Variants in CLYBL observed in about 807,000 individuals in gnomAD.
CLYBL encodes the protein citramalyl-CoA lyase, also known as citramalyl-CoA lyase, mitochondrial.
A neutral mutation model predicts 38.9 loss-of-function variants in CLYBL; 31 were observed. The observed-to-expected ratio is 0.80, with a 90% CI of 0.60 to 1.08. CLYBL has a LOEUF of 1.08. Among genes scored for constraint, CLYBL ranks in the 50% least tolerant of loss-of-function variants. The pLI is 0.00. For synonymous variants in CLYBL, 171 were observed against 158.6 expected (o/e 1.08, Z -0.59); for missense variants, 434 against 411.6 (o/e 1.05, Z -0.47).
At chr13:99,679,841 C>T (rs1278762486) in intron 1 of CLYBL, among the ~76,000 whole-genome samples, 3 of 151,996 alleles carry the variant, frequency 2.0e-5, no homozygotes, top group Admixed American at 1.3e-4. Flanking sequence ...TTTCCAGGTG[C>T]ACGTTATTAA....
chr13:99,614,290 G>C (rs80294644), intron 1 of CLYBL, among the ~76,000 whole-genome samples: 2,795 of 152,238 alleles, frequency 0.018, 70 homozygotes, highest in African/African-American at 0.055. Flanking sequence ...TATTCAGAAT[G>C]CTTTAATGGA....
intron 2 of CLYBL, among the ~76,000 whole-genome samples, chr13:99,836,832 T>C (rs556737464): frequency 2.6e-5 from 4 of 151,892 alleles, no homozygotes; most frequent in African/African-American, 9.7e-5. Context: ...TAGGTGGGAA[T>C]TGAACAATGA....
At chr13:99,698,801 C>T (rs1284386136) in intron 1 of CLYBL, among the ~76,000 whole-genome samples, 2 of 152,140 alleles carry the variant, frequency 1.3e-5, no homozygotes. Flanking sequence ...ATTGTTGTTG[C>T]TTGCAGCTAA....
chr13:99,814,729 G>GA (rs36062611), intron 2 of CLYBL, among the ~76,000 whole-genome samples: 44,337 of 123,660 alleles, frequency 0.36, 7,549 homozygotes, highest in Middle Eastern at 0.43. Flanking sequence ...CCCTGTCTCA[G>GA]AAAAAAAAAA....
downstream of CLYBL, among the ~76,000 whole-genome samples, chr13:99,901,089 G>C (rs1413558508): frequency 6.6e-6 from 1 of 152,176 alleles, no homozygotes; most frequent in Non-Finnish European, 1.5e-5. Context: ...AAGAAGGCCC[G>C]GGGCAGGCAT....
At chr13:99,878,077 G>A (rs900497642) in intron 7 of CLYBL, among the ~76,000 whole-genome samples, 3 of 152,000 alleles carry the variant, frequency 2.0e-5, no homozygotes, top group Admixed American at 1.3e-4. Context: ...ATAGGTACAC[G>A]AAACACATTT....
At chr13:99,839,147 G>A (rs2051008233) in intron 2 of CLYBL, among the ~76,000 whole-genome samples, 1 of 152,204 alleles carries the variant, frequency 6.6e-6, no homozygotes, top group Admixed American at 6.5e-5. Flanking sequence ...TTACAGGTGG[G>A]GCATAGCATC....
At chr13:99,624,103 C>CCTGTTTGTAACAGAGGA (rs141666137) in intron 1 of CLYBL, among the ~76,000 whole-genome samples, 2 of 152,010 alleles carry the variant, frequency 1.3e-5, no homozygotes, top group Admixed American at 1.3e-4. Context: ...ACAGGGGTAA[C>CCTGTTTGTAACAGAGGA]CACCTGAAGC....
chr13:99,755,044 C>T (rs1187954400), intron 1 of CLYBL, among the ~76,000 whole-genome samples: 1 of 151,816 alleles, frequency 6.6e-6, no homozygotes, highest in Non-Finnish European at 1.5e-5. Flanking sequence ...ACTACAGGCA[C>T]CTGCCACCAC....
At chr13:99,678,695 A>G (rs901222782) in intron 1 of CLYBL, among the ~76,000 whole-genome samples, 31 of 152,190 alleles carry the variant, frequency 2.0e-4, no homozygotes, top group African/African-American at 6.5e-4. Flanking sequence ...GGAAAGTATT[A>G]TTATCTTTTT....
In CLYBL at chr13:99,818,082, G is replaced by A. The variant is rs183994139; in HGVS notation, c.250-40779G>A. Among the ~76,000 whole-genome samples, 1,235 of 149,958 alleles carry A rather than the reference G, an allele frequency of 8.2e-3. 6 individuals carry two copies. Among genetic ancestry groups the A allele is most frequent in the Non-Finnish European group, 0.012 (781 of 67,434 alleles). On this transcript the variant is annotated intron_variant, in intron 2 of 8. Transcript: ENST00000339105. ...GGAAGAAGTGAGGGAAGGAGGAAGG[G>A]AGAAAAAAAAAAGGAAAGACCTGGA...
At chr13:99,711,403 C>CTTTTTT (rs71215540) in intron 1 of CLYBL, among the ~76,000 whole-genome samples, 8 of 83,190 alleles carry the variant, frequency 9.6e-5, no homozygotes, top group Admixed American at 1.5e-4. Flanking sequence ...GGGAGTCCGT[C>CTTTTTT]TTTTTTTTTT....
intron 2 of CLYBL, among the ~76,000 whole-genome samples, chr13:99,787,342 T>G (rs2049818369): frequency 6.6e-6 from 1 of 152,222 alleles, no homozygotes; most frequent in Non-Finnish European, 1.5e-5. Flanking sequence ...GGTCTAACAT[T>G]TAAGTCTTTA....
chr13:99,642,362 C>G (rs2047108168), intron 1 of CLYBL, among the ~76,000 whole-genome samples: 1 of 152,136 alleles, frequency 6.6e-6, no homozygotes, highest in Non-Finnish European at 1.5e-5. Context: ...TTGAATCCAT[C>G]TTGGGGTGAA....
At chr13:99,894,595 G>C (rs1334508933), downstream of CLYBL, 1 of 152,070 alleles carries the variant, frequency 6.6e-6, no homozygotes, top group Non-Finnish European at 1.5e-5. Flanking sequence ...TCAGGTGCAA[G>C]GCAAGACTGA....
chr13:99,716,787 C>CTTTTTTTTTTTTTTTTTT (rs1260332084), intron 1 of CLYBL, among the ~76,000 whole-genome samples: 1 of 100,916 alleles, frequency 9.9e-6, no homozygotes, highest in Non-Finnish European at 2.1e-5. Context: ...CTTTTCTTTT[C>CTTTTTTTTTTTTTTTTTT]TTTTTTTTTT....
intron 7 of CLYBL, among the ~76,000 whole-genome samples, chr13:99,872,119 C>T (rs1645465260): frequency 6.6e-6 from 1 of 152,118 alleles, no homozygotes; most frequent in Non-Finnish European, 1.5e-5. Flanking sequence ...CAGGACTTGC[C>T]AAAGTGGGCA....
chr13:99,824,573 T>C (rs1014376480), intron 2 of CLYBL, among the ~76,000 whole-genome samples: 2 of 152,108 alleles, frequency 1.3e-5, no homozygotes, highest in Non-Finnish European at 2.9e-5. Flanking sequence ...CCAGCCTGCC[T>C]CTCCTCTTCT....
In CLYBL at chr13:99,637,810, T is replaced by A. The variant is rs191197661; in HGVS notation, c.62+31053T>A. ...CCTACAAAGTGTGAATATATATTTA[T>A]GAATGATGTCTGTGTGTATCCGTAT... On this transcript the variant is annotated intron_variant, in intron 1 of 8. Coordinates refer to ENST00000339105, the MANE Select transcript of CLYBL (RefSeq NM_206808.5). Among the ~76,000 whole-genome samples the A allele has an allele frequency of 3.2e-4, 48 of 152,322 alleles. 2 individuals are homozygous for A. The East Asian group carries it at 7.1e-3, about 23-fold the overall frequency.
Sources: gnomAD v4.1 joint callset for allele counts (sites outside exome capture counted in the v4.1 genomes callset) on GRCh38, gnomAD v4.1.1 for gene constraint, MANE v1.5 for transcripts, NCBI Gene and HGNC (gene_info 2026-07-23, HGNC 2026-07-21) for gene names.